WDPCP: variants seen among roughly 807,000 people sequenced by gnomAD.
WDPCP encodes the protein WD repeat-containing and planar cell polarity effector protein fritz homolog.
Under a neutral mutation model 93.1 loss-of-function variants are expected in WDPCP, and 71 were observed. The observed-to-expected ratio is 0.76, with a 90% CI of 0.63 to 0.93. The LOEUF (loss-of-function observed/expected upper bound fraction) is 0.93. Ranked by LOEUF, WDPCP falls within the 40% of genes least tolerant of loss-of-function variation. The pLI is 0.00. For synonymous variants in WDPCP, 315 were observed against 315.0 expected, an observed-to-expected ratio of 1.00 and a Z score of 0.00; for missense variants, 844 against 887.4, an observed-to-expected ratio of 0.95 and a Z score of 0.62.
intron 10 of WDPCP, among the ~76,000 whole-genome samples, chr2:63,392,620 T>C (rs1440656250): frequency 6.6e-6 from 1 of 151,894 alleles, no homozygotes; most frequent in Non-Finnish European, 1.5e-5. Context: ...TGGGAGAAAA[T>C]TTTTGCAATC....
rs932066850 is a variant in WDPCP at position 63,443,614 on chromosome 2, C to A, written c.385-3743G>T. ...GTTAGACCTTGTTGATGAGAAGTCACTGAGTTTTAAGCAGCACAGAACTAT... is the reference window on the plus strand; with the variant it reads ...GTTAGACCTTGTTGATGAGAAGTCAATGAGTTTTAAGCAGCACAGAACTAT... On this transcript the variant is annotated intron_variant, in intron 6 of 17. Coordinates refer to ENST00000272321, the MANE Select transcript of WDPCP (RefSeq NM_015910.7). Among the ~76,000 whole-genome samples the A allele has an allele frequency of 2.0e-5, 3 of 152,098 alleles. No homozygotes were observed. The South Asian group carries it at 6.2e-4, about 32-fold the overall frequency.
At chr2:63,319,922 C>A (rs547654834) in intron 12 of WDPCP, among the ~76,000 whole-genome samples, 1 of 151,878 alleles carries the variant, frequency 6.6e-6, no homozygotes, top group Admixed American at 6.6e-5. Flanking sequence ...AATTAATTGA[C>A]AAAAAGATAA....
intron 6 of WDPCP, among the ~76,000 whole-genome samples, chr2:63,478,391 C>T (rs1700084539): frequency 6.6e-6 from 1 of 152,096 alleles, no homozygotes; most frequent in Non-Finnish European, 1.5e-5. Context: ...AATATACATT[C>T]TATTCATCAG....
At chr2:63,576,558 C>A (rs1409627009) in intron 1 of WDPCP, among the ~76,000 whole-genome samples, 1 of 152,190 alleles carries the variant, frequency 6.6e-6, no homozygotes, top group African/African-American at 2.4e-5. Context: ...CTCTCTGAAC[C>A]CTGTCCTTTT....
At chr2:63,205,534 T>C (rs879289283) in intron 14 of WDPCP, among the ~76,000 whole-genome samples, 1 of 152,222 alleles carries the variant, frequency 6.6e-6, no homozygotes, top group African/African-American at 2.4e-5. Flanking sequence ...ATTATACAGA[T>C]CTTTCACTTC....
intron 2 of WDPCP, among the ~76,000 whole-genome samples, chr2:63,753,360 C>T (rs559453239): frequency 7.9e-5 from 12 of 152,046 alleles, no homozygotes; most frequent in South Asian, 2.1e-4. Flanking sequence ...ACCCAGGAGG[C>T]GGAGGTTGCA....
intron 2 of WDPCP, among the ~76,000 whole-genome samples, chr2:63,773,146 C>T (rs73934987): frequency 0.031 from 4,730 of 152,004 alleles, 256 homozygotes; most frequent in African/African-American, 0.11. Context: ...AAGACATTTA[C>T]AGCAGCATTA....
rs1678349775 is a variant in WDPCP at position 63,227,019 on chromosome 2, T to C, written c.1915+32288A>G. ...ATAGCTCCAAACACTTCTTTTTTGA[T>C]TAATAAGGCAAAATAAAGTGAGGCT... On this transcript the variant is annotated intron_variant, in intron 14 of 17. Coordinates refer to ENST00000272321, the MANE Select transcript of WDPCP (RefSeq NM_015910.7). Among the ~76,000 whole-genome samples, 3 of 152,024 alleles carry C rather than the reference T, an allele frequency of 2.0e-5. No individual in the cohort carries two copies. The South Asian group carries it at 6.2e-4, about 32-fold the overall frequency.
chr2:63,784,489 A>G (rs983258560), intron 2 of WDPCP, among the ~76,000 whole-genome samples: 4 of 152,300 alleles, frequency 2.6e-5, no homozygotes, highest in East Asian at 3.9e-4. Context: ...GAGATTACAA[A>G]TAAGAGTCAC....
intron 1 of WDPCP, 113 bp downstream of exon 1, chr2:63,588,084 G>C (rs1708995798): frequency 1.1e-5 from 14 of 1,300,166 alleles, no homozygotes; most frequent in South Asian, 5.1e-5. Context: ...AAAAGGGACC[G>C]GCGAGCTTGC....
intron 12 of WDPCP, among the ~76,000 whole-genome samples, chr2:63,372,761 A>AT (rs1322871486): frequency 6.6e-6 from 1 of 152,032 alleles, no homozygotes; most frequent in Non-Finnish European, 1.5e-5. Flanking sequence ...CAGAGAATTG[A>AT]TTTTTCTGTC....
chr2:63,335,303 C>G (rs1223866862), intron 12 of WDPCP, among the ~76,000 whole-genome samples: 1 of 152,144 alleles, frequency 6.6e-6, no homozygotes, highest in Non-Finnish European at 1.5e-5. Context: ...AATCTGTATT[C>G]TTTCCTGGGC....
chr2:63,750,775 T>C (rs1448040100), intron 2 of WDPCP, among the ~76,000 whole-genome samples: 9 of 152,198 alleles, frequency 5.9e-5, no homozygotes, highest in Non-Finnish European at 1.0e-4. Context: ...TTAATGTGGT[T>C]ATAGTGATAA....
chr2:63,174,614 G>T, intron 15 of WDPCP, 56 bp downstream of exon 15: 1 of 1,603,902 alleles, frequency 6.2e-7, no homozygotes, highest in South Asian at 1.1e-5. Context: ...GTTCGCATTT[G>T]AACAGGTAAT....
chr2:63,808,417 A>T lies in WDPCP; in HGVS notation n.308+5205T>A, dbSNP rs1558915804. On this transcript the variant is annotated intron_variant and non_coding_transcript_variant, in intron 2 of 4. Transcript: ENST00000467687. ...GCCGAAGCTGGACTGTACTGCTGCCATCTCGGCTCACTGCAGCCTCCCTGC... is the reference window on the plus strand; with the variant it reads ...GCCGAAGCTGGACTGTACTGCTGCCTTCTCGGCTCACTGCAGCCTCCCTGC... 1.1e-4 allele frequency among the ~76,000 whole-genome samples: 16 copies of T among 144,498 alleles called. 1 individual carries two copies. In the South Asian group the frequency reaches 3.5e-3, roughly 31 times the overall value. 94.8% of individuals were successfully genotyped at this position (144,498 alleles called of 152,430 possible). A position where few individuals can be genotyped will look rare whatever the true frequency, so the allele number is the denominator to read the frequency against.
In WDPCP at chr2:63,313,267, CCAA is replaced by C. The variant is rs1559311105; in HGVS notation, c.1790_1792del (p.Val597del). ...ACTCACCATAAAGAGGTCACGAGCA[CCAA>C]CGTCAACAGCTAGGAGAAATGCCTT... On this transcript the variant is annotated inframe_deletion, in exon 13 of 18. Coordinates refer to ENST00000272321, the MANE Select transcript of WDPCP (RefSeq NM_015910.7). The C allele has an allele frequency of 6.2e-7, 1 of 1,613,696 alleles. No individual in the cohort carries two copies. The highest frequency in any genetic ancestry group is 2.2e-5 in the East Asian group (1 of 44,826).
In WDPCP at chr2:63,511,147, T is replaced by C. The variant is rs182650590; in HGVS notation, c.76-18207A>G. Among the ~76,000 whole-genome samples the C allele has an allele frequency of 3.1e-4, 47 of 152,196 alleles. No homozygotes were observed. In the East Asian group the frequency reaches 7.9e-3, roughly 26 times the overall value. Reference sequence around the variant, plus strand: ...ATCATGAGCAAACCCCCATTCACAATTGCTACAAAGAGAATAAAATACCTG... The same window carrying C: ...ATCATGAGCAAACCCCCATTCACAACTGCTACAAAGAGAATAAAATACCTG... On this transcript the variant is annotated intron_variant, in intron 1 of 17. Transcript: ENST00000272321.
intron 2 of WDPCP, among the ~76,000 whole-genome samples, chr2:63,705,168 G>A (rs1490555298): frequency 1.3e-5 from 2 of 151,924 alleles, no homozygotes; most frequent in African/African-American, 2.4e-5. Flanking sequence ...TTTTTATTGC[G>A]TCTATTTGAT....
intron 2 of WDPCP, among the ~76,000 whole-genome samples, chr2:63,742,679 A>G (rs1669741806): frequency 6.8e-6 from 1 of 147,996 alleles, no homozygotes; most frequent in Non-Finnish European, 1.5e-5. Context: ...GATAACTAAC[A>G]AAAGACCCAT....
Sources: gnomAD v4.1 joint callset for allele counts (sites outside exome capture counted in the v4.1 genomes callset) on GRCh38, gnomAD v4.1.1 for gene constraint, MANE v1.5 for transcripts, NCBI Gene and HGNC (gene_info 2026-07-23, HGNC 2026-07-21) for gene names.